CARD9: variants seen among roughly 807,000 people sequenced by gnomAD.
CARD9 encodes caspase recruitment domain-containing protein 9.
In CARD9, 53 loss-of-function variants were observed where a neutral mutation model predicts 66.0. That is an observed-to-expected ratio of 0.80 (90% CI 0.64 to 1.01). CARD9 has a LOEUF of 1.01. Ranked by LOEUF, CARD9 falls within the 50% of genes least tolerant of loss-of-function variation. The probability of loss-of-function intolerance (pLI) is 0.00; values close to 1 mark genes in which losing one functional copy is unlikely to be tolerated. For synonymous variants in CARD9, 387 were observed against 313.8 expected (o/e 1.23, Z -2.47); for missense variants, 769 against 743.2 (o/e 1.03, Z -0.40).
rs894473411 is a variant in CARD9, at chr9:136,373,559, C to G, written c.-44G>C. 3 of 985,704 alleles carry G rather than the reference C, an allele frequency of 3.0e-6. No individual in the cohort carries two copies. The highest frequency in any genetic ancestry group is 6.1e-5 in the Admixed American group (1 of 16,282). The allele number at this position is 985,704 out of a possible 1,614,324, so 61.1% of individuals were successfully genotyped here. On this transcript the variant is annotated 5_prime_UTR_variant, in exon 1 of 13. Coordinates refer to ENST00000371732, the MANE Select transcript of CARD9 (RefSeq NM_052813.5). ...GAGGGTCTTCCAGGAGCCACCTGCA[C>G]TGCAGACACACCAGGAGCCTGGGCC... is the stretch of plus-strand genomic sequence containing the variant.
At chr9:136,365,262 C>A in intron 10 of CARD9, 45 bp from the exon 11 acceptor site, 1 of 1,580,708 alleles carries the variant, frequency 6.3e-7, no homozygotes, top group South Asian at 1.1e-5. Context: ...ATCTGCTGGG[C>A]CACGTATAGC....
At position 136,364,375 on chromosome 9, in the gene CARD9, T is replaced by G. The variant is rs750954369; in HGVS notation, c.1538A>C (p.Lys513Thr). Residue 513 changes from lysine to threonine, a missense_variant, in exon 13 of 13, where the codon AAA becomes ACA. Physicochemically the swap from Lys to Thr is moderately conservative, Grantham distance 78. Transcript: ENST00000371732. Reference protein sequence around the residue: ...RRKRALRKMQKGWRQGEEDRE... With the variant: ...RRKRALRKMQTGWRQGEEDRE... Reference sequence around the variant, plus strand: ...GTCCTCCTCCCCCTGCCGCCATCCTTTCTGCATCTTCCTGAGGGCGCGCTT... The same window carrying G: ...GTCCTCCTCCCCCTGCCGCCATCCTGTCTGCATCTTCCTGAGGGCGCGCTT... 8 of 1,564,914 alleles carry G rather than the reference T, an allele frequency of 5.1e-6. No individual in the cohort carries two copies. In the Admixed American group the frequency reaches 1.3e-4, roughly 26 times the overall value.
intron 2 of CARD9, 103 bp from the exon 3 acceptor site, chr9:136,371,564 G>T: frequency 6.7e-7 from 1 of 1,482,734 alleles, no homozygotes; most frequent in Non-Finnish European, 9.1e-7. Context: ...GCATGCAGAT[G>T]AGGTGTGCCG....
At chr9:136,367,960 C>G in intron 7 of CARD9, 132 bp from the exon 8 acceptor site, 2 of 1,441,454 alleles carry the variant, frequency 1.4e-6, no homozygotes, top group Non-Finnish European at 1.8e-6. Context: ...TGGTCACAGC[C>G]CCTCCATTTG....
intron 9 of CARD9, 77 bp from the exon 10 acceptor site, chr9:136,366,922 C>G: frequency 6.5e-7 from 1 of 1,533,510 alleles, no homozygotes; most frequent in Middle Eastern, 1.7e-4. Context: ...CACCCCAGCC[C>G]TTGGCCCTCA....
intron 7 of CARD9, among the ~76,000 whole-genome samples, chr9:136,368,517 C>T (rs1385391185): frequency 6.6e-6 from 1 of 152,242 alleles, no homozygotes; most frequent in Non-Finnish European, 1.5e-5. Context: ...GCCGGGGCTT[C>T]CTTTGTAGCC....
rs555867171 is a variant in CARD9, at chr9:136,370,279, C to G, written c.951+15G>C. 1.8e-5 allele frequency: 28 copies of G among 1,592,206 alleles called. No homozygotes were observed. The African/African-American group carries it at 3.8e-4, about 21-fold the overall frequency. On this transcript the variant is annotated intron_variant, in intron 6 of 12. Transcript: ENST00000371732. ...TTGGACCCCAGGGGCCATGTCTCCC[C>G]GCCTGCCCTCCTACCCGGAGGCGTC...
Position 136,370,627 on chromosome 9 carries a change from G to A in CARD9, c.702C>T (p.Leu234=). Reference sequence around the variant, plus strand: ...TGGGCCGCTGCTCCATGGCGTGCCTGAGCTTCAGCGTGTGCTTGCGCTCCA... The same window carrying A: ...TGGGCCGCTGCTCCATGGCGTGCCTAAGCTTCAGCGTGTGCTTGCGCTCCA... ...CKVERKHTLK[L]RHAMEQRPSQ... Residue 234 remains leucine, a synonymous_variant, in exon 5 of 13, where the codon CTC becomes CTT. Transcript: ENST00000371732. The A allele has an allele frequency of 1.2e-6, 2 of 1,612,748 alleles. No individual in the cohort carries two copies. The highest frequency in any genetic ancestry group is 1.3e-5 in the African/African-American group (1 of 75,064).
chr9:136,365,206 C>T lies in CARD9; in HGVS notation c.1369G>A (p.Gly457Ser), dbSNP rs756953515. Residue 457 changes from glycine to serine, a missense_variant, in exon 11 of 13, where the codon GGC becomes AGC. Physicochemically the swap from Gly to Ser is moderately conservative, Grantham distance 56. Transcript: ENST00000371732. ...TQLSDKGCLA[G>S]GGSPKQPFAA... ...AAGGGCTGTTTCGGGCTCCCCCCGC[C>T]GGCAAGGCAGCCTGGAAAGGAGAGT... 4.9e-5 allele frequency: 79 copies of T among 1,609,330 alleles called. No individual in the cohort carries two copies. The highest frequency in any genetic ancestry group is 2.2e-5 in the East Asian group (1 of 44,890).
At chr9:136,368,094 C>G (rs776981844) in intron 7 of CARD9, 2 of 1,249,740 alleles carry the variant, frequency 1.6e-6, no homozygotes, top group Non-Finnish European at 2.1e-6. Flanking sequence ...TGTACCCCCA[C>G]ACGTGCACAT....
At position 136,371,944 on chromosome 9, in the gene CARD9, C is replaced by T. The variant is rs939496261; in HGVS notation, c.135G>A (p.Glu45=). The change falls in exon 2 of 13, where the codon GAG becomes GAA. Residue 45 remains glutamate (E), a synonymous_variant. Transcript: ENST00000371732. The part of the protein sequence containing the change: ...RQCKVLNPDD[E]EQVLSDPNLV... The stretch of plus-strand genomic sequence containing the variant: ...GGTTGGGGTCGCTGAGCACCTGCTC[C>T]TCATCATCGGGGTTCAGGACCTTGC... The T allele has an allele frequency of 1.6e-5, 25 of 1,609,960 alleles. No individual in the cohort carries two copies. Among genetic ancestry groups the T allele is most frequent in the Non-Finnish European group, 2.0e-5 (23 of 1,177,628 alleles).
At position 136,371,433 on chromosome 9, in the gene CARD9, G is replaced by C. The variant is rs568874711; in HGVS notation, c.213C>G (p.Thr71=). 3 of 1,582,252 alleles carry C rather than the reference G, an allele frequency of 1.9e-6. No individual in the cohort carries two copies. The highest frequency in any genetic ancestry group is 2.6e-6 in the Non-Finnish European group (3 of 1,163,788). The part of the protein sequence containing the change: ...VGVLLDILQR[T]GHKGYVAFLE... ...GGAAGGCCACGTAGCCCTTGTGGCC[G>C]GTCCGCTGCAGGATGTCCAGGAGCA... The change falls in exon 3 of 13, where the codon ACC becomes ACG. Residue 71 remains threonine, a synonymous_variant. Transcript: ENST00000371732.
rs1414612967 is a variant in CARD9 at position 136,370,891 on chromosome 9, T to C, written c.577A>G (p.Ser193Gly). ...ATGAGCGCGGCGCCCTTCTCCTCACTCTGGTGCGCCAGGCGCATGGCCAGG... is the reference window on the plus strand; with the variant it reads ...ATGAGCGCGGCGCCCTTCTCCTCACCCTGGTGCGCCAGGCGCATGGCCAGG... ...YDLAMRLAHQ[S>G]EEKGAALMRN... Residue 193 changes from serine to glycine, a missense_variant, in exon 4 of 13, where the codon AGT becomes GGT. Ser to Gly is a moderately conservative substitution (Grantham distance 56, BLOSUM62 0). Transcript: ENST00000371732. The C allele has an allele frequency of 6.2e-7, 1 of 1,608,518 alleles. No homozygotes were observed. The highest frequency in any genetic ancestry group is 1.1e-5 in the South Asian group (1 of 90,996).
In CARD9 at chr9:136,364,253, G is replaced by C; in HGVS notation, c.*49C>G. 1 of 1,550,222 alleles carries C rather than the reference G, an allele frequency of 6.5e-7. No homozygotes were observed. ...AGGGCGTCGGCACCCCCGGGTGGCA[G>C]GAGGCCGGGCCGGTGGGTGTGCCCT... On this transcript the variant is annotated 3_prime_UTR_variant, in exon 13 of 13. Coordinates refer to ENST00000371732, the MANE Select transcript of CARD9 (RefSeq NM_052813.5).
At chr9:136,365,581 G>T (rs150916562) in intron 10 of CARD9, 1 of 308,386 alleles carries the variant, frequency 3.2e-6, no homozygotes, top group Admixed American at 4.7e-5. Context: ...TGGGCATGGC[G>T]GCCCTGGGGA....
intron 7 of CARD9, 141 bp downstream of exon 7, chr9:136,369,609 A>G: frequency 1.3e-6 from 2 of 1,485,424 alleles, no homozygotes; most frequent in Non-Finnish European, 1.8e-6. Flanking sequence ...GTTTGAGGCC[A>G]CCCTGGGTGA....
chr9:136,364,224 C>T lies in CARD9; in HGVS notation c.*78G>A, dbSNP rs776327849. 1 of 1,550,470 alleles carries T rather than the reference C, an allele frequency of 6.4e-7. No homozygotes were observed. Among genetic ancestry groups the T allele is most frequent in the South Asian group, 1.2e-5 (1 of 84,054 alleles). On this transcript the variant is annotated 3_prime_UTR_variant, in exon 13 of 13. Coordinates refer to ENST00000371732, the MANE Select transcript of CARD9 (RefSeq NM_052813.5). Reference sequence around the variant, plus strand: ...CAGCGACGGCTCGGGGAAGTCTGCGCCCCAGGGCGTCGGCACCCCCGGGTG... The same window carrying T: ...CAGCGACGGCTCGGGGAAGTCTGCGTCCCAGGGCGTCGGCACCCCCGGGTG...
rs1483356154 is a variant in CARD9 at position 136,365,283 on chromosome 9, C to CA, written c.1358-67dup. ...TGGGCCACGTATAGCACGGCTGCCC[C>CA]ACCCCTCCCCGGCATTGCAGTGGGG... On this transcript the variant is annotated intron_variant, in intron 10 of 12. Transcript: ENST00000371732. The CA allele has an allele frequency of 2.0e-6, 3 of 1,486,614 alleles. No individual in the cohort carries two copies. The East Asian group carries it at 6.9e-5, about 34-fold the overall frequency. 92.1% of individuals were successfully genotyped at this position (1,486,614 alleles called of 1,614,324 possible). A position where few individuals can be genotyped will look rare whatever the true frequency, so the allele number is the denominator to read the frequency against.
chr9:136,367,629 A>G lies in CARD9; in HGVS notation c.1269+8T>C, dbSNP rs1162277241. Reference sequence around the variant, plus strand: ...GGCTCCCCTCCCTGCCGCAGGCCCCAGGCCCACCAGGACGAGCGTCTCCAG... The same window carrying G: ...GGCTCCCCTCCCTGCCGCAGGCCCCGGGCCCACCAGGACGAGCGTCTCCAG... On this transcript the variant is annotated splice_region_variant and intron_variant, in intron 8 of 12. Coordinates refer to ENST00000371732, the MANE Select transcript of CARD9 (RefSeq NM_052813.5). 6.3e-7 allele frequency: 1 copy of G among 1,575,030 alleles called. No individual in the cohort carries two copies. Among genetic ancestry groups the G allele is most frequent in the Non-Finnish European group, 8.6e-7 (1 of 1,166,730 alleles).
Sources: allele counts gnomAD v4.1 joint callset (sites outside exome capture counted in the v4.1 genomes callset), GRCh38; gene constraint gnomAD v4.1.1; transcripts MANE v1.5; gene names NCBI Gene and HGNC (gene_info 2026-07-23, HGNC 2026-07-21).